PDK1: variants seen among roughly 807,000 people sequenced by gnomAD.
The protein encoded by PDK1 is [Pyruvate dehydrogenase (acetyl-transferring)] kinase isozyme 1, mitochondrial.
A neutral mutation model predicts 54.2 loss-of-function variants in PDK1; 39 were observed. The observed-to-expected ratio is 0.72, with a 90% CI of 0.56 to 0.94. The LOEUF (loss-of-function observed/expected upper bound fraction) is 0.94. Among genes scored for constraint, PDK1 ranks in the 40% least tolerant of loss-of-function variants. The probability of loss-of-function intolerance (pLI) is 0.00; values close to 1 mark genes in which losing one functional copy is unlikely to be tolerated. For missense variants in PDK1, 552 were observed against 566.0 expected (o/e 0.98, Z 0.25); for synonymous variants, 221 against 207.1 (o/e 1.07, Z -0.58).
chr2:172,640,150 A>AT, the PDK1 span, among the ~76,000 whole-genome samples: 2 of 152,054 alleles, frequency 1.3e-5, no homozygotes, highest in Admixed American at 6.6e-5. Flanking sequence ...CTGCCAGGAA[A>AT]TTTTTTTTGT....
chr2:172,589,893 A>C (rs893513446), intron 9 of PDK1, among the ~76,000 whole-genome samples: 3 of 152,228 alleles, frequency 2.0e-5, no homozygotes, highest in African/African-American at 2.4e-5. Context: ...TGGGACCAAA[A>C]TGAACAGACA....
chr2:172,643,551 G>C, the PDK1 span, among the ~76,000 whole-genome samples: 1 of 152,096 alleles, frequency 6.6e-6, no homozygotes, highest in Non-Finnish European at 1.5e-5. Context: ...GCCTAAGCAG[G>C]CCTCCTCCTT....
chr2:172,562,895 A>T, intron 3 of PDK1: 1 of 1,137,896 alleles, frequency 8.8e-7, no homozygotes, highest in Non-Finnish European at 1.3e-6. Context: ...AGTGAAGGGT[A>T]CTGAGAGTGT....
At chr2:172,576,283 A>G (rs1305148102) in intron 8 of PDK1, among the ~76,000 whole-genome samples, 1 of 152,148 alleles carries the variant, frequency 6.6e-6, no homozygotes, top group African/African-American at 2.4e-5. Context: ...TAATTATTAC[A>G]CACAATTGTT....
the PDK1 span, among the ~76,000 whole-genome samples, chr2:172,657,313 A>G: frequency 6.6e-6 from 1 of 151,434 alleles, no homozygotes; most frequent in African/African-American, 2.4e-5. Flanking sequence ...GGCATGAGCC[A>G]CCGTGCCTGG....
At chr2:172,574,003 A>G (rs948613450) in intron 8 of PDK1, among the ~76,000 whole-genome samples, 3 of 152,294 alleles carry the variant, frequency 2.0e-5, no homozygotes, top group East Asian at 3.9e-4. Flanking sequence ...CTAAGAAACC[A>G]TTGCCTACTC....
chr2:172,691,671 A>T, the PDK1 span, among the ~76,000 whole-genome samples: 8 of 152,218 alleles, frequency 5.3e-5, no homozygotes, highest in African/African-American at 1.7e-4. Flanking sequence ...TACAATATTT[A>T]GTCTTTTCAG....
the PDK1 span, among the ~76,000 whole-genome samples, chr2:172,679,598 G>A: frequency 1.3e-5 from 2 of 152,164 alleles, no homozygotes; most frequent in African/African-American, 4.8e-5. Context: ...GTTTTGAGGA[G>A]GGTTTGGATC....
chr2:172,707,384 A>T, the PDK1 span, among the ~76,000 whole-genome samples: 5 of 152,092 alleles, frequency 3.3e-5, no homozygotes, highest in Non-Finnish European at 7.4e-5. Flanking sequence ...CAGTTTGTCT[A>T]GGATGTTTGA....
chr2:172,598,792 C>T lies in PDK1; in HGVS notation c.*2823C>T, dbSNP rs1191033619. The T allele has an allele frequency of 6.6e-6, 1 of 152,148 alleles. No individual in the cohort carries two copies. Among genetic ancestry groups the T allele is most frequent in the African/African-American group, 2.4e-5 (1 of 41,450 alleles). 9.4% of individuals were successfully genotyped at this position (152,148 alleles called of 1,614,324 possible). On this transcript the variant is annotated 3_prime_UTR_variant, in exon 11 of 11. Coordinates refer to ENST00000282077, the MANE Select transcript of PDK1 (RefSeq NM_002610.5). ...AAACTGAAAACATGGATCAACCCTT[C>T]TTTTGAAAATAAACTGAGTCAATTT...
the PDK1 span, among the ~76,000 whole-genome samples, chr2:172,678,328 T>C: frequency 6.6e-6 from 1 of 150,674 alleles, no homozygotes; most frequent in African/African-American, 2.4e-5. Context: ...GCAAACTAGA[T>C]GTATGGTCAC....
intron 3 of PDK1, 141 bp from the exon 4 acceptor site, chr2:172,564,362 A>C: frequency 1.6e-6 from 1 of 623,110 alleles, no homozygotes; most frequent in Non-Finnish European, 2.9e-6. Context: ...AATACATTTA[A>C]ATAAGTATAG....
the PDK1 span, among the ~76,000 whole-genome samples, chr2:172,703,534 G>A: frequency 2.6e-4 from 40 of 152,126 alleles, no homozygotes; most frequent in Admixed American, 2.2e-3. Context: ...GCTATCATAA[G>A]TAATTCTGAC....
chr2:172,629,288 C>T, the PDK1 span, among the ~76,000 whole-genome samples: 1 of 152,186 alleles, frequency 6.6e-6, no homozygotes, highest in Non-Finnish European at 1.5e-5. Flanking sequence ...GTTTTCCTGC[C>T]CGAATGTTGC....
At chr2:172,578,334 TTTTCA>T (rs1426857184) in intron 8 of PDK1, among the ~76,000 whole-genome samples, 1 of 152,236 alleles carries the variant, frequency 6.6e-6, no homozygotes, top group Non-Finnish European at 1.5e-5. Context: ...TCTAGTGAAA[TTTTCA>T]TTTCGTTTAT....
the PDK1 span, among the ~76,000 whole-genome samples, chr2:172,717,675 AT>A: frequency 6.6e-6 from 1 of 152,098 alleles, no homozygotes; most frequent in Admixed American, 6.5e-5. Context: ...TCCCGAATAA[AT>A]TGTTCTTTAT....
chr2:172,695,163 A>G, the PDK1 span, among the ~76,000 whole-genome samples: 4 of 152,248 alleles, frequency 2.6e-5, no homozygotes, highest in African/African-American at 9.6e-5. Context: ...TTGACCAGAA[A>G]TATGCCATAG....
At chr2:172,708,122 T>G in the PDK1 span, among the ~76,000 whole-genome samples, 2 of 152,110 alleles carry the variant, frequency 1.3e-5, no homozygotes, top group African/African-American at 4.8e-5. Flanking sequence ...GGAAACATGG[T>G]GAAACCCTGT....
the PDK1 span, among the ~76,000 whole-genome samples, chr2:172,716,089 A>G: frequency 1.9e-4 from 29 of 152,234 alleles, no homozygotes; most frequent in Non-Finnish European, 3.4e-4. Flanking sequence ...AGAAACTTCA[A>G]TCCATTAGCA....
Sources: allele counts gnomAD v4.1 joint callset (sites outside exome capture counted in the v4.1 genomes callset), GRCh38; gene constraint gnomAD v4.1.1; transcripts MANE v1.5; gene names NCBI Gene and HGNC (gene_info 2026-07-23, HGNC 2026-07-21).